CAPN11: variants seen among roughly 807,000 people sequenced by gnomAD.
CAPN11 encodes calpain-11.
In CAPN11, 108 loss-of-function variants were observed where a neutral mutation model predicts 105.3. The ratio of observed to expected loss-of-function variants is 1.03; its 90% confidence interval spans 0.88 to 1.20. The LOEUF is 1.20. CAPN11 is among the 50% of genes most tolerant of loss of function. The pLI, the probability that CAPN11 is intolerant of heterozygous loss-of-function variation, is 0.00. For synonymous variants in CAPN11, 329 were observed against 344.5 expected (o/e 0.96, Z 0.50); for missense variants, 883 against 924.8 (o/e 0.95, Z 0.59).
Position 44,172,583 on chromosome 6 carries a change from C to G in CAPN11, c.528+163C>G, listed in dbSNP as rs1418488. 0.58 allele frequency among the ~76,000 whole-genome samples: 87,640 copies of G among 152,074 alleles called. 25,488 individuals carry two copies. The highest frequency in any genetic ancestry group is 0.62 in the Non-Finnish European group (41,919 of 67,986). On this transcript the variant is annotated intron_variant, in intron 5 of 22. Transcript: ENST00000398776. Reference sequence around the variant, plus strand: ...CTGCCCACCAAAGAAATCATGTAAGCTAATTTTTTAAGTCCCAAAAGAAAA... The same window carrying G: ...CTGCCCACCAAAGAAATCATGTAAGGTAATTTTTTAAGTCCCAAAAGAAAA...
At chr6:44,161,982 C>A in intron 1 of CAPN11, 1 of 446,864 alleles carries the variant, frequency 2.2e-6, no homozygotes, top group South Asian at 1.6e-5. Flanking sequence ...ATTGTGGAGA[C>A]TTTCCTCTAC....
intron 1 of CAPN11, among the ~76,000 whole-genome samples, chr6:44,161,522 T>G (rs1326418506): frequency 6.6e-6 from 1 of 152,120 alleles, no homozygotes; most frequent in Non-Finnish European, 1.5e-5. Context: ...CCATGACAAC[T>G]GTGGTGGTGT....
Position 44,179,868 on chromosome 6 carries a change from G to C in CAPN11, c.1429-84G>C, listed in dbSNP as rs193273875. 144 of 1,145,260 alleles carry C rather than the reference G, an allele frequency of 1.3e-4. No homozygotes were observed. The African/African-American group carries it at 1.6e-3, about 13-fold the overall frequency. The allele number at this position is 1,145,260 out of a possible 1,614,324, so 70.9% of individuals were successfully genotyped here. Reference sequence around the variant, plus strand: ...GGTGGTGGCACCTACCTCCAACCCTGCCCGGCCAGGCTGTTCACCCTGGGG... The same window carrying C: ...GGTGGTGGCACCTACCTCCAACCCTCCCCGGCCAGGCTGTTCACCCTGGGG... On this transcript the variant is annotated intron_variant, in intron 13 of 22. Coordinates refer to ENST00000398776, the MANE Select transcript of CAPN11 (RefSeq NM_007058.4).
At chr6:44,174,299 G>T (rs765438514) in intron 7 of CAPN11, among the ~76,000 whole-genome samples, 22 of 152,024 alleles carry the variant, frequency 1.4e-4, no homozygotes, top group Non-Finnish European at 2.9e-4. Context: ...ACACACCGTG[G>T]AATACTACTT....
chr6:44,182,698 T>C (rs541086960), intron 19 of CAPN11, among the ~76,000 whole-genome samples: 1 of 152,292 alleles, frequency 6.6e-6, no homozygotes, highest in African/African-American at 2.4e-5. Context: ...CTCAGCCTCC[T>C]GACTAGCTGG....
At chr6:44,181,535 ACT>A (rs1216520892) in intron 19 of CAPN11, among the ~76,000 whole-genome samples, 4,732 of 74,360 alleles carry the variant, frequency 0.064, 699 homozygotes, top group Admixed American at 0.085. Flanking sequence ...ACCACACCAC[ACT>A]CACACACACA....
At chr6:44,170,285 C>T (rs4711771) in intron 4 of CAPN11, among the ~76,000 whole-genome samples, 77,297 of 152,026 alleles carry the variant, frequency 0.51, 19,944 homozygotes, top group Non-Finnish European at 0.54. Flanking sequence ...TCTCACGGTT[C>T]CTGTGGGTCA....
chr6:44,180,743 C>G lies in CAPN11; in HGVS notation c.1747-5C>G. The G allele has an allele frequency of 6.2e-7, 1 of 1,613,608 alleles. No homozygotes were observed. ...CCGAGTGGGGTTCACAGTTCCCCTT[C>G]CTAGGGCAAGGAGATAGGGGTGTAT... On this transcript the variant is annotated splice_polypyrimidine_tract_variant and splice_region_variant and intron_variant, in intron 16 of 22. Coordinates refer to ENST00000398776, the MANE Select transcript of CAPN11 (RefSeq NM_007058.4).
chr6:44,182,901 G>T, intron 19 of CAPN11, 40 bp from the exon 20 acceptor site: 1 of 1,436,798 alleles, frequency 7.0e-7, no homozygotes, highest in Non-Finnish European at 9.7e-7. Flanking sequence ...CAACCACCAT[G>T]CCATGCATGT....
In CAPN11 at chr6:44,177,237, C is replaced by T; in HGVS notation, c.1238-5C>T. ...TATAACCACGCTGACCCACTTCCGC[C>T]ACAGGCACGTTCTGGACCAACCCCC... is the stretch of plus-strand genomic sequence containing the variant. On this transcript the variant is annotated splice_region_variant and splice_polypyrimidine_tract_variant and intron_variant, in intron 11 of 22. Transcript: ENST00000398776. 6.4e-7 allele frequency: 1 copy of T among 1,573,852 alleles called. No homozygotes were observed. Among genetic ancestry groups the T allele is most frequent in the South Asian group, 1.2e-5 (1 of 86,708 alleles).
At chr6:44,179,134 G>A (rs936977099) in intron 12 of CAPN11, among the ~76,000 whole-genome samples, 8 of 152,148 alleles carry the variant, frequency 5.3e-5, no homozygotes, top group Non-Finnish European at 1.0e-4. Flanking sequence ...AGTGTTCCAC[G>A]GAAAAGCAAA....
chr6:44,180,315 C>T (rs1484781319), intron 14 of CAPN11, 145 bp from the exon 15 acceptor site: 32 of 908,186 alleles, frequency 3.5e-5, no homozygotes, highest in Non-Finnish European at 5.3e-5. Context: ...CAGTTAGTGG[C>T]AGAACCAGAA....
At chr6:44,164,893 T>C (rs1393614232) in intron 1 of CAPN11, among the ~76,000 whole-genome samples, 1 of 152,076 alleles carries the variant, frequency 6.6e-6, no homozygotes, top group Non-Finnish European at 1.5e-5. Flanking sequence ...TATTTATTTA[T>C]TTATTTATTT....
intron 7 of CAPN11, 123 bp downstream of exon 7, chr6:44,173,509 G>A: frequency 1.6e-6 from 1 of 621,774 alleles, no homozygotes; most frequent in East Asian, 2.8e-5. Context: ...CCTTTCCCCA[G>A]ACTAGCCTTC....
intron 21 of CAPN11, 126 bp from the exon 22 acceptor site, chr6:44,183,579 T>G: frequency 1.1e-6 from 1 of 870,670 alleles, no homozygotes; most frequent in Non-Finnish European, 1.9e-6. Flanking sequence ...CCCACTTGGC[T>G]AGGGGATTTA....
At chr6:44,181,707 ACACACACACAC>A in intron 19 of CAPN11, among the ~76,000 whole-genome samples, 1 of 33,916 alleles carries the variant, frequency 2.9e-5, no homozygotes, top group African/African-American at 2.9e-4. Flanking sequence ...CCACACTCAC[ACACACACACAC>A]TCACAGACAC....
intron 5 of CAPN11, 95 bp downstream of exon 5, chr6:44,172,515 G>T (rs147029811): frequency 1.7e-5 from 12 of 713,154 alleles, no homozygotes; most frequent in Non-Finnish European, 2.7e-5. Flanking sequence ...TTGAAAAATA[G>T]CATTTATTAG....
chr6:44,171,311 AG>A (rs1770953957), intron 4 of CAPN11, among the ~76,000 whole-genome samples: 1 of 152,184 alleles, frequency 6.6e-6, no homozygotes, highest in Non-Finnish European at 1.5e-5. Context: ...GATTCCCTTT[AG>A]CCGAACTTCA....
At chr6:44,172,887 A>T in intron 5 of CAPN11, 53 bp from the exon 6 acceptor site, 1 of 1,588,034 alleles carries the variant, frequency 6.3e-7, no homozygotes, top group Non-Finnish European at 8.6e-7. Context: ...GGCCACTAGG[A>T]GGCGCTTGAT....
Sources: gnomAD v4.1 joint callset for allele counts (sites outside exome capture counted in the v4.1 genomes callset) on GRCh38, gnomAD v4.1.1 for gene constraint, MANE v1.5 for transcripts, NCBI Gene and HGNC (gene_info 2026-07-23, HGNC 2026-07-21) for gene names.